The following ZNF775 variants were observed in gnomAD, a reference collection of about 807,000 sequenced individuals.
The protein encoded by ZNF775 is zinc finger protein 775.
A neutral mutation model predicts 2.4 loss-of-function variants in ZNF775; 1 was observed. The ratio of observed to expected loss-of-function variants is 0.41; its 90% CI spans 0.15 to 1.94. The LOEUF is 1.94. Ranked by LOEUF, ZNF775 falls within the 30% of genes most tolerant of loss-of-function variation. The pLI is 0.30. For synonymous variants in ZNF775, 381 were observed against 373.3 expected (o/e 1.02, Z -0.24); for missense variants, 823 against 826.6 (o/e 1.00, Z 0.05).
chr7:150,383,564 A>G (rs986831760), intron 1 of ZNF775, among the ~76,000 whole-genome samples: 1 of 152,150 alleles, frequency 6.6e-6, no homozygotes, highest in Non-Finnish European at 1.5e-5. Flanking sequence ...AAGGGGCAGC[A>G]TGGCAGGGAG....
chr7:150,394,432 C>T (rs940908328), intron 2 of ZNF775, among the ~76,000 whole-genome samples: 1 of 152,160 alleles, frequency 6.6e-6, no homozygotes, highest in Non-Finnish European at 1.5e-5. Context: ...AATGTTGATG[C>T]GTTTCTCTTT....
At chr7:150,392,776 C>T (rs1800581905) in intron 2 of ZNF775, among the ~76,000 whole-genome samples, 1 of 152,196 alleles carries the variant, frequency 6.6e-6, no homozygotes, top group Non-Finnish European at 1.5e-5. Context: ...TTAAGCAATC[C>T]TCCTGCCTTA....
chr7:150,381,125 G>A (rs765491560), intron 1 of ZNF775, among the ~76,000 whole-genome samples: 3 of 152,144 alleles, frequency 2.0e-5, no homozygotes, highest in Admixed American at 6.5e-5. Flanking sequence ...AATTGGGGCC[G>A]AGGAATGTAA....
intron 2 of ZNF775, among the ~76,000 whole-genome samples, chr7:150,393,245 T>A (rs950818071): frequency 1.3e-5 from 2 of 152,210 alleles, no homozygotes; most frequent in Non-Finnish European, 2.9e-5. Context: ...TGTGTAGCCT[T>A]TTATGTTGAC....
chr7:150,379,687 T>C (rs946819907), intron 1 of ZNF775, among the ~76,000 whole-genome samples: 2 of 151,902 alleles, frequency 1.3e-5, no homozygotes, highest in African/African-American at 4.8e-5. Context: ...CTAGTGAGAA[T>C]GGAGGGAGGA....
chr7:150,386,481 A>T (rs1250167273), intron 1 of ZNF775, among the ~76,000 whole-genome samples: 1 of 152,046 alleles, frequency 6.6e-6, no homozygotes, highest in Admixed American at 6.6e-5. Flanking sequence ...CCAGATTCCC[A>T]GTCTGTGTGT....
rs1368223612 is a variant in ZNF775, at chr7:150,396,990, GGCGCTTCAGCCAGAAGCAGCACCT to G, written c.512_535del (p.Arg171_Leu178del). The stretch of plus-strand genomic sequence containing the variant: ...CCCTTCTGCTGCCCCGAGTGCGCGC[GGCGCTTCAGCCAGAAGCAGCACCT>G]GCTCAAGCACCAGAAGACCCACTCC... On this transcript the variant is annotated inframe_deletion, in exon 3 of 3. Transcript: ENST00000329630. 1 of 1,598,952 alleles carries G rather than the reference GGCGCTTCAGCCAGAAGCAGCACCT, an allele frequency of 6.3e-7. No individual in the cohort carries two copies. The highest frequency in any genetic ancestry group is 1.7e-5 in the Admixed American group (1 of 59,782).
At chr7:150,386,168 T>G (rs567779999) in intron 1 of ZNF775, among the ~76,000 whole-genome samples, 4 of 152,280 alleles carry the variant, frequency 2.6e-5, no homozygotes, top group African/African-American at 7.2e-5. Flanking sequence ...ACTCCTGACC[T>G]CAGGTGATCT....
chr7:150,389,258 C>T (rs1800513197), intron 2 of ZNF775, among the ~76,000 whole-genome samples: 1 of 152,252 alleles, frequency 6.6e-6, no homozygotes, highest in South Asian at 2.1e-4. Context: ...TCCCTCTCCC[C>T]TCCCAGGGGA....
chr7:150,398,088 C>G lies in ZNF775; in HGVS notation c.1607C>G (p.Ala536Gly). 6.5e-7 allele frequency: 1 copy of G among 1,549,680 alleles called. No individual in the cohort carries two copies. Among genetic ancestry groups the G allele is most frequent in the Non-Finnish European group, 8.7e-7 (1 of 1,151,950 alleles). The part of the protein sequence containing the change: ...AAPACSPKEE[A>G]R Reference sequence around the variant, plus strand: ...CCTGCGTGCAGCCCCAAGGAGGAGGCGCGCTAGTGGACTGGACCTCAGCGG... The same window carrying G: ...CCTGCGTGCAGCCCCAAGGAGGAGGGGCGCTAGTGGACTGGACCTCAGCGG... The change falls in exon 3 of 3, where the codon GCG becomes GGG. Residue 536 changes from alanine (A) to glycine (G), a missense_variant. Coordinates refer to ENST00000329630, the MANE Select transcript of ZNF775 (RefSeq NM_173680.4).
intron 2 of ZNF775, among the ~76,000 whole-genome samples, chr7:150,393,490 C>T (rs1004928683): frequency 6.6e-6 from 1 of 152,090 alleles, no homozygotes; most frequent in East Asian, 1.9e-4. Context: ...CCTAGGAGAG[C>T]GACTGCTGGA....
intron 2 of ZNF775, among the ~76,000 whole-genome samples, chr7:150,392,557 C>G (rs1354247030): frequency 3.4e-5 from 5 of 146,000 alleles, no homozygotes; most frequent in Non-Finnish European, 7.4e-5. Flanking sequence ...CTCTCTCTCT[C>G]TCTCTCTCTC....
rs754170197 is a variant in ZNF775 at position 150,384,307 on chromosome 7, A to T, written c.-49-4115A>T. On this transcript the variant is annotated intron_variant, in intron 1 of 2. Coordinates refer to ENST00000329630, the MANE Select transcript of ZNF775 (RefSeq NM_173680.4). The surrounding 1 kb of genome is among the most constrained non-coding windows in gnomAD (Gnocchi z 4.1). ...GACTTGGTGTGGGCACTGGTGGGAG[A>T]TGGCGCATCTGGCCCTTGATGCCTG... 6.6e-6 allele frequency among the ~76,000 whole-genome samples: 1 copy of T among 152,084 alleles called. No homozygotes were observed. Among genetic ancestry groups the T allele is most frequent in the Non-Finnish European group, 1.5e-5 (1 of 68,008 alleles).
Position 150,398,309 on chromosome 7 carries a change from A to G in ZNF775, c.*214A>G. ...GGGTTGAGGGAGGAGGGAAGATCCG[A>G]GTTCCTCACCGCGGGCCGGGATGTG... is the stretch of plus-strand genomic sequence containing the variant. On this transcript the variant is annotated 3_prime_UTR_variant, in exon 3 of 3. Transcript: ENST00000329630. 1.3e-6 allele frequency: 1 copy of G among 792,390 alleles called. No homozygotes were observed. Among genetic ancestry groups the G allele is most frequent in the Non-Finnish European group, 1.9e-6 (1 of 525,732 alleles). The allele number at this position is 792,390 out of a possible 1,614,324, so 49.1% of individuals were successfully genotyped here.
In ZNF775 at chr7:150,397,047, C is replaced by T. The variant is rs747397285; in HGVS notation, c.566C>T (p.Ala189Val). 3 of 1,596,326 alleles carry T rather than the reference C, an allele frequency of 1.9e-6. No homozygotes were observed. The African/African-American group carries it at 4.0e-5, about 21-fold the overall frequency. The change falls in exon 3 of 3, where the codon GCC becomes GTC. Residue 189 changes from alanine (A) to valine (V), a missense_variant. Physicochemically the swap from Ala to Val is moderately conservative, Grantham distance 64. Transcript: ENST00000329630. ...CACCAGAAGACCCACTCCCGGCCCG[C>T]CACCCACTCGTGCCCCGAGTGCGAG... ...LKHQKTHSRPATHSCPECERC... is the reference protein window; with the variant it reads ...LKHQKTHSRPVTHSCPECERC...
At position 150,398,110 on chromosome 7, in the gene ZNF775, G is replaced by GCGGACC; in HGVS notation, c.*18_*23dup. The GCGGACC allele has an allele frequency of 6.5e-7, 1 of 1,539,938 alleles. No homozygotes were observed. The highest frequency in any genetic ancestry group is 8.7e-7 in the Non-Finnish European group (1 of 1,147,632). On this transcript the variant is annotated 3_prime_UTR_variant, in exon 3 of 3. Coordinates refer to ENST00000329630, the MANE Select transcript of ZNF775 (RefSeq NM_173680.4). ...AGGCGCGCTAGTGGACTGGACCTCA[G>GCGGACC]CGGACCCGTGGTGGTGCGGGGGATG...
chr7:150,390,018 T>C, intron 2 of ZNF775, among the ~76,000 whole-genome samples: 1 of 152,112 alleles, frequency 6.6e-6, no homozygotes. Context: ...ATCACTGCCA[T>C]CTATTTCCAC....
chr7:150,397,087 C>G lies in ZNF775; in HGVS notation c.606C>G (p.His202Gln), dbSNP rs1198941445. Residue 202 changes from histidine to glutamine, a missense_variant, in exon 3 of 3, where the codon CAC becomes CAG. Physicochemically the swap from His to Gln is conservative, Grantham distance 24. Transcript: ENST00000329630. ...CCGAGTGCGAGCGCTGCTTCCGTCA[C>G]CAGGTGGGCCTCCGCATCCACCAGC... ...SCPECERCFRHQVGLRIHQRA... is the reference protein window; with the variant it reads ...SCPECERCFRQQVGLRIHQRA... 6.4e-7 allele frequency: 1 copy of G among 1,571,924 alleles called. No individual in the cohort carries two copies. Among genetic ancestry groups the G allele is most frequent in the Admixed American group, 1.8e-5 (1 of 55,248 alleles).
rs1393854266 is a variant in ZNF775, at chr7:150,398,074, C to A, written c.1593C>A (p.Ser531Arg). ...QRVHRAAPAC[S>R]PKEEAR ...TGCACCGCGCGGCCCCTGCGTGCAG[C>A]CCCAAGGAGGAGGCGCGCTAGTGGA... Residue 531 changes from serine (S) to arginine (R), a missense_variant, in exon 3 of 3, where the codon AGC (serine) becomes AGA (arginine). Transcript: ENST00000329630. The A allele has an allele frequency of 2.6e-6, 4 of 1,558,084 alleles. No homozygotes were observed. Among genetic ancestry groups the A allele is most frequent in the African/African-American group, 2.7e-5 (2 of 73,732 alleles).
Sources: gnomAD v4.1 joint callset for allele counts (sites outside exome capture counted in the v4.1 genomes callset) on GRCh38, gnomAD v4.1.1 for gene constraint, Gnocchi (gnomAD v3.1) non-coding constraint, MANE v1.5 for transcripts, NCBI Gene and HGNC (gene_info 2026-07-23, HGNC 2026-07-21) for gene names.